KMT2A: variants seen among roughly 807,000 people sequenced by gnomAD.
KMT2A encodes the protein histone-lysine N-methyltransferase 2A.
Under a neutral mutation model 345.3 loss-of-function variants are expected in KMT2A, and 16 were observed. The ratio of observed to expected loss-of-function variants is 0.05; its 90% CI spans 0.03 to 0.07. The LOEUF is 0.07. KMT2A is among the 10% of genes least tolerant of loss of function. The pLI, the probability that KMT2A is intolerant of heterozygous loss-of-function variation, is 1.00. For synonymous variants in KMT2A, 1,599 were observed against 1,778.6 expected (o/e 0.90, Z 2.54); for missense variants, 3,272 against 4,841.6 (o/e 0.68, Z 9.62).
intron 31 of KMT2A, among the ~76,000 whole-genome samples, chr11:118,516,440 G>A (rs1379689371): frequency 6.6e-6 from 1 of 152,200 alleles, no homozygotes; most frequent in Middle Eastern, 3.4e-3. Flanking sequence ...GGCACCAGCT[G>A]AGCAACACAG....
chr11:118,505,653 A>G lies in KMT2A; in HGVS notation c.9761A>G (p.Asn3254Ser). 3.7e-6 allele frequency: 6 copies of G among 1,614,194 alleles called. No homozygotes were observed. The highest frequency in any genetic ancestry group is 5.1e-6 in the Non-Finnish European group (6 of 1,180,040). Residue 3254 changes from asparagine to serine, a missense_variant, in exon 27 of 36, where the codon AAT becomes AGT. Transcript: ENST00000534358. This position sits in a 1 kb window ranked among gnomAD's most constrained non-coding sequence, Gnocchi z 4.6. ...SNIAPSDVVS[N>S]MTLINFTPSQ... is the part of the protein sequence containing the mutation. ...ATTGCCCCTTCTGATGTGGTTTCTA[A>G]TATGACATTGATTAACTTCACACCC...
chr11:118,525,949 T>A lies in KMT2A; in HGVS notation c.*3777T>A. 1 of 223,276 alleles carries A rather than the reference T, an allele frequency of 4.5e-6. No homozygotes were observed. Among genetic ancestry groups the A allele is most frequent in the East Asian group, 6.5e-5 (1 of 15,354 alleles). 13.8% of individuals were successfully genotyped at this position (223,276 alleles called of 1,614,324 possible). A position where few individuals can be genotyped will look rare whatever the true frequency, so the allele number is the denominator to read the frequency against. On this transcript the variant is annotated 3_prime_UTR_variant, in exon 36 of 36. Coordinates refer to ENST00000534358, the MANE Select transcript of KMT2A (RefSeq NM_001197104.2). The stretch of plus-strand genomic sequence containing the variant: ...GTCACACACTCTGGAAACTTGCAAC[T>A]TTTTGTTTGTTTTGGTTTTCAAATA...
intron 31 of KMT2A, chr11:118,512,231 A>G (rs1950703782): frequency 1.7e-6 from 1 of 584,478 alleles, no homozygotes. Context: ...TATAACCACC[A>G]CTACTCTATA....
rs139450035 is a variant in KMT2A at position 118,502,629 on chromosome 11, T to A, written c.6737T>A (p.Val2246Asp). 3 of 1,613,986 alleles carry A rather than the reference T, an allele frequency of 1.9e-6. No homozygotes were observed. The highest frequency in any genetic ancestry group is 1.6e-4 in the Middle Eastern group (1 of 6,084). The change falls in exon 27 of 36, where the codon GTT becomes GAT. Residue 2246 changes from valine to aspartate, a missense_variant. Physicochemically the swap from Val to Asp is radical, Grantham distance 152. This residue lies in a region of KMT2A where 445 missense variants were observed against 500.9 expected (regional missense o/e 0.89). Coordinates refer to ENST00000534358, the MANE Select transcript of KMT2A (RefSeq NM_001197104.2). This position sits in a 1 kb window ranked among gnomAD's most constrained non-coding sequence, Gnocchi z 4.9. The part of the protein sequence containing the change: ...ATDLESSAKV[V>D]DHVLGPLNSS... ...GATCTTGAATCAAGTGCCAAAGTAG[T>A]TGATCATGTCTTAGGGCCACTGAAT...
At chr11:118,486,194 A>G (rs1197886162) in intron 10 of KMT2A, among the ~76,000 whole-genome samples, 2 of 152,346 alleles carry the variant, frequency 1.3e-5, no homozygotes, top group South Asian at 2.1e-4. Context: ...TAACATGGAA[A>G]GATGTCCATG....
In KMT2A at chr11:118,473,471, C is replaced by A. The variant is rs1273199332; in HGVS notation, c.2312C>A (p.Thr771Asn). The change falls in exon 3 of 36, where the codon ACC becomes AAC. Residue 771 changes from threonine (T) to asparagine (N), a missense_variant. Thr to Asn is a moderately conservative substitution (Grantham distance 65, BLOSUM62 0). Transcript: ENST00000534358. This position sits in a 1 kb window ranked among gnomAD's most constrained non-coding sequence, Gnocchi z 5.2. Reference protein sequence around the residue: ...RLSSSELSPLTPPSSVSSSLS... With the variant: ...RLSSSELSPLNPPSSVSSSLS... ...AGTAGTTCTGAGCTCTCACCTCTCA[C>A]CCCCCCGTCTTCTGTCTCTTCCTCG... The A allele has an allele frequency of 3.7e-6, 6 of 1,614,022 alleles. No homozygotes were observed. The highest frequency in any genetic ancestry group is 5.1e-6 in the Non-Finnish European group (6 of 1,179,922).
chr11:118,455,664 A>G (rs1168174363), intron 1 of KMT2A, among the ~76,000 whole-genome samples: 2 of 149,048 alleles, frequency 1.3e-5, no homozygotes, highest in Non-Finnish European at 3.0e-5. Context: ...GCCCCTTATT[A>G]TTATTATTTT....
chr11:118,453,276 T>C (rs1296928278), intron 1 of KMT2A, among the ~76,000 whole-genome samples: 2 of 152,186 alleles, frequency 1.3e-5, no homozygotes, highest in African/African-American at 4.8e-5. Context: ...CCATGATGCC[T>C]CTGAAATAGC....
rs140941483 is a variant in KMT2A at position 118,505,235 on chromosome 11, C to T, written c.9343C>T (p.Pro3115Ser). The stretch of plus-strand genomic sequence containing the variant: ...ATTGACCTCTTCTGTTAGTTCTACA[C>T]CCAGTGTGATGGAGACAAATACTTC... ...IQLTSSVSST[P>S]SVMETNTSVL... The change falls in exon 27 of 36, where the codon CCC becomes TCC. Residue 3115 changes from proline (P) to serine (S), a missense_variant. Coordinates refer to ENST00000534358, the MANE Select transcript of KMT2A (RefSeq NM_001197104.2). The surrounding 1 kb of genome is among the most constrained non-coding windows in gnomAD (Gnocchi z 4.6). 1.2e-5 allele frequency: 19 copies of T among 1,614,058 alleles called. No individual in the cohort carries two copies. The African/African-American group carries it at 1.9e-4, about 16-fold the overall frequency.
chr11:118,519,387 T>G, intron 31 of KMT2A: 1 of 462,450 alleles, frequency 2.2e-6, no homozygotes, highest in Non-Finnish European at 3.9e-6. Context: ...GTCCATAGTT[T>G]GGTGGCATGC....
At position 118,522,345 on chromosome 11, in the gene KMT2A, C is replaced by A; in HGVS notation, c.*173C>A. 1 of 632,822 alleles carries A rather than the reference C, an allele frequency of 1.6e-6. No individual in the cohort carries two copies. Among genetic ancestry groups the A allele is most frequent in the African/African-American group, 1.8e-5 (1 of 54,674 alleles). 39.2% of individuals were successfully genotyped at this position (632,822 alleles called of 1,614,324 possible). On this transcript the variant is annotated 3_prime_UTR_variant, in exon 36 of 36. Coordinates refer to ENST00000534358, the MANE Select transcript of KMT2A (RefSeq NM_001197104.2). The surrounding 1 kb of genome is among the most constrained non-coding windows in gnomAD (Gnocchi z 5.4). ...CTCACATCAGACATGTGATCATAGT[C>A]CCAGAGACAGAGTTGAGGTCTCGAA...
intron 4 of KMT2A, 70 bp downstream of exon 4, chr11:118,477,052 C>G (rs1950049969): frequency 6.9e-7 from 1 of 1,459,842 alleles, no homozygotes; most frequent in Admixed American, 1.7e-5. Flanking sequence ...TCTGGGGATG[C>G]CCAGTAGGCT....
At position 118,526,005 on chromosome 11, in the gene KMT2A, A is replaced by G. The variant is rs563702560; in HGVS notation, c.*3833A>G. The G allele has an allele frequency of 5.0e-5, 11 of 219,458 alleles. No homozygotes were observed. The East Asian group carries it at 7.4e-4, about 15-fold the overall frequency. The allele number at this position is 219,458 out of a possible 1,614,324, so 13.6% of individuals were successfully genotyped here. A position where few individuals can be genotyped will look rare whatever the true frequency, so the allele number is the denominator to read the frequency against. On this transcript the variant is annotated 3_prime_UTR_variant, in exon 36 of 36. Coordinates refer to ENST00000534358, the MANE Select transcript of KMT2A (RefSeq NM_001197104.2). ...AAATATGATATATATAGGAACTAATATAGTAATGCACCATGTAACAAAGCC... is the reference window on the plus strand; with the variant it reads ...AAATATGATATATATAGGAACTAATGTAGTAATGCACCATGTAACAAAGCC...
chr11:118,503,400 C>A lies in KMT2A; in HGVS notation c.7508C>A (p.Ala2503Asp), dbSNP rs143525945. The A allele has an allele frequency of 1.1e-5, 17 of 1,614,034 alleles. No homozygotes were observed. The Admixed American group carries it at 2.7e-4, about 25-fold the overall frequency. ...CTTTCTATGCCAGGAGTCCCCAAAGCTCCACCCATGCAAGTAGAAGGATCT... is the reference window on the plus strand; with the variant it reads ...CTTTCTATGCCAGGAGTCCCCAAAGATCCACCCATGCAAGTAGAAGGATCT... Reference protein sequence around the residue: ...KGLSMPGVPKAPPMQVEGSAK... With the variant: ...KGLSMPGVPKDPPMQVEGSAK... Residue 2503 changes from alanine to aspartate, a missense_variant, in exon 27 of 36, where the codon GCT becomes GAT. By Grantham distance (126) the Ala-to-Asp change is moderately radical. This residue lies in a region of KMT2A where 445 missense variants were observed against 500.9 expected (regional missense o/e 0.89). Coordinates refer to ENST00000534358, the MANE Select transcript of KMT2A (RefSeq NM_001197104.2). The surrounding 1 kb of genome is among the most constrained non-coding windows in gnomAD (Gnocchi z 5.3).
chr11:118,488,556 A>G, intron 10 of KMT2A, 58 bp from the exon 11 acceptor site: 1 of 1,578,436 alleles, frequency 6.3e-7, no homozygotes, highest in Non-Finnish European at 8.7e-7. Flanking sequence ...GGTATGGTTG[A>G]TTATGTTTTT....
rs911950814 is a variant in KMT2A, at chr11:118,524,292, G to A, written c.*2120G>A. 1 of 187,188 alleles carries A rather than the reference G, an allele frequency of 5.3e-6. No homozygotes were observed. The highest frequency in any genetic ancestry group is 1.1e-5 in the Non-Finnish European group (1 of 88,320). The allele number at this position is 187,188 out of a possible 1,614,324, so 11.6% of individuals were successfully genotyped here. ...TAGTGTAGTCCAAGTAGAGGGTGGG[G>A]CACCCTTTTCTCGCCGCAAGAAGCC... On this transcript the variant is annotated 3_prime_UTR_variant, in exon 36 of 36. Transcript: ENST00000534358.
chr11:118,455,068 C>A (rs1949615680), intron 1 of KMT2A, among the ~76,000 whole-genome samples: 1 of 152,114 alleles, frequency 6.6e-6, no homozygotes, highest in African/African-American at 2.4e-5. Context: ...CACTCTGTCA[C>A]CCAGGTTGGA....
Position 118,436,722 on chromosome 11 carries a change from C to T in KMT2A, c.210C>T (p.Ser70=), listed in dbSNP as rs781798126. Residue 70 remains serine, a synonymous_variant, in exon 1 of 36, where the codon AGC becomes AGT. Coordinates refer to ENST00000534358, the MANE Select transcript of KMT2A (RefSeq NM_001197104.2). The surrounding 1 kb of genome is among the most constrained non-coding windows in gnomAD (Gnocchi z 6.9). ...CCGCGGCGGCGGCGGCGGGAAGCAG[C>T]GGGGCTGGGGTTCCAGGGGGAGCGG... ...VAAAAAAAGS[S]GAGVPGGAAA... is the part of the protein sequence containing the mutation. The T allele has an allele frequency of 6.3e-6, 9 of 1,430,532 alleles. No homozygotes were observed. The highest frequency in any genetic ancestry group is 5.8e-5 in the African/African-American group (4 of 68,836). The allele number at this position is 1,430,532 out of a possible 1,614,324, so 88.6% of individuals were successfully genotyped here.
At position 118,484,855 on chromosome 11, in the gene KMT2A, T is replaced by C. The variant is rs782123293; in HGVS notation, c.4219-7T>C. 12 of 1,601,030 alleles carry C rather than the reference T, an allele frequency of 7.5e-6. No homozygotes were observed. The highest frequency in any genetic ancestry group is 1.0e-5 in the Non-Finnish European group (12 of 1,168,152). The stretch of plus-strand genomic sequence containing the variant: ...AACTTTCCTAAGTGACCTTTCTCTC[T>C]CCACAGGAGGATTGTGAAGCAGAAA... On this transcript the variant is annotated splice_region_variant and splice_polypyrimidine_tract_variant and intron_variant, in intron 9 of 35. Coordinates refer to ENST00000534358, the MANE Select transcript of KMT2A (RefSeq NM_001197104.2). This position sits in a 1 kb window ranked among gnomAD's most constrained non-coding sequence, Gnocchi z 4.1.
Sources: gnomAD v4.1 joint callset for allele counts (sites outside exome capture counted in the v4.1 genomes callset) on GRCh38, gnomAD v4.1.1 for gene constraint, gnomAD v4.1.1 regional missense constraint, Gnocchi (gnomAD v3.1) non-coding constraint, MANE v1.5 for transcripts, NCBI Gene and HGNC (gene_info 2026-07-23, HGNC 2026-07-21) for gene names.